The following WDR70 variants were observed in gnomAD, a reference collection of about 807,000 sequenced individuals.
WDR70 encodes WD repeat-containing protein 70.
In WDR70, 53 loss-of-function variants were observed where a neutral mutation model predicts 88.6. That is an observed-to-expected ratio of 0.60 (90% CI 0.48 to 0.75). The LOEUF is 0.75. Among genes scored for constraint, WDR70 ranks in the 30% least tolerant of loss-of-function variants. WDR70 has a pLI of 0.00. For synonymous variants in WDR70, 280 were observed against 270.0 expected, an observed-to-expected ratio of 1.04 and a Z score of -0.36; for missense variants, 610 against 823.2, an observed-to-expected ratio of 0.74 and a Z score of 3.17.
chr5:37,515,401 T>A (rs1740856419), intron 8 of WDR70, among the ~76,000 whole-genome samples: 1 of 152,210 alleles, frequency 6.6e-6, no homozygotes, highest in Non-Finnish European at 1.5e-5. Context: ...AAATGTCAAG[T>A]AGATAGTTGG....
intron 9 of WDR70, among the ~76,000 whole-genome samples, chr5:37,554,281 G>A (rs79924614): frequency 6.6e-6 from 1 of 152,156 alleles, no homozygotes; most frequent in Non-Finnish European, 1.5e-5. Context: ...ATGTAATCTT[G>A]GTCATAGGCC....
At chr5:37,589,253 C>CACAT (rs1345159870) in intron 9 of WDR70, among the ~76,000 whole-genome samples, 2 of 88,630 alleles carry the variant, frequency 2.3e-5, no homozygotes, top group African/African-American at 1.5e-4. Flanking sequence ...CACACATACA[C>CACAT]ACACACACAC....
chr5:37,479,620 C>T (rs1739596642), intron 7 of WDR70: 3 of 439,712 alleles, frequency 6.8e-6, no homozygotes, highest in Admixed American at 3.6e-5. Flanking sequence ...ATCCATCTGC[C>T]TTGGCCTCCC....
chr5:37,723,001 G>A (rs1747868017), intron 15 of WDR70, 67 bp downstream of exon 15: 1 of 1,575,718 alleles, frequency 6.3e-7, no homozygotes, highest in African/African-American at 1.3e-5. Flanking sequence ...TGATTGCATA[G>A]CTTTAGAGAC....
chr5:37,705,165 G>T (rs1747285931), intron 13 of WDR70, among the ~76,000 whole-genome samples: 1 of 152,088 alleles, frequency 6.6e-6, no homozygotes, highest in South Asian at 2.1e-4. Flanking sequence ...TATGCAGATG[G>T]TTTAATAAGT....
chr5:37,414,153 A>G (rs1749618745), intron 5 of WDR70, among the ~76,000 whole-genome samples: 1 of 151,518 alleles, frequency 6.6e-6, no homozygotes, highest in Non-Finnish European at 1.5e-5. Flanking sequence ...TCAAAAAAAA[A>G]AAAAAAAAAA....
chr5:37,730,893 G>C (rs1301469021), intron 17 of WDR70, among the ~76,000 whole-genome samples: 1 of 152,036 alleles, frequency 6.6e-6, no homozygotes, highest in African/African-American at 2.4e-5. Context: ...CATCATCTTA[G>C]CATGCATTCC....
intron 10 of WDR70, among the ~76,000 whole-genome samples, chr5:37,678,630 G>A (rs1361029217): frequency 6.6e-6 from 1 of 151,854 alleles, no homozygotes; most frequent in Non-Finnish European, 1.5e-5. Flanking sequence ...TCCCTTTGTG[G>A]GTAACCCAAC....
At chr5:37,725,851 T>C (rs1233837494) in intron 16 of WDR70, among the ~76,000 whole-genome samples, 1 of 152,138 alleles carries the variant, frequency 6.6e-6, no homozygotes, top group Non-Finnish European at 1.5e-5. Context: ...TTCATGTTGC[T>C]ACAGCCTCCA....
intron 9 of WDR70, among the ~76,000 whole-genome samples, chr5:37,593,535 A>C (rs1743604244): frequency 6.6e-6 from 1 of 152,134 alleles, no homozygotes; most frequent in Admixed American, 6.5e-5. Context: ...ACATTTTCTT[A>C]ATCCAGTCTA....
intron 17 of WDR70, among the ~76,000 whole-genome samples, chr5:37,750,396 C>A (rs556518686): frequency 6.6e-6 from 1 of 152,240 alleles, no homozygotes; most frequent in South Asian, 2.1e-4. Flanking sequence ...ATTAATCAGA[C>A]ATGGTGGTGC....
At chr5:37,416,655 C>T (rs1162292390) in intron 5 of WDR70, among the ~76,000 whole-genome samples, 3 of 151,296 alleles carry the variant, frequency 2.0e-5, no homozygotes, top group African/African-American at 7.3e-5. Context: ...TATCGGCTCA[C>T]TGCAAGCCCC....
intron 10 of WDR70, among the ~76,000 whole-genome samples, chr5:37,624,571 T>C (rs567700117): frequency 6.6e-6 from 1 of 152,268 alleles, no homozygotes; most frequent in South Asian, 2.1e-4. Context: ...AGGGAGAGCT[T>C]TCCCTTGGTC....
intron 13 of WDR70, among the ~76,000 whole-genome samples, chr5:37,703,730 A>G (rs1476915972): frequency 6.6e-6 from 1 of 152,246 alleles, no homozygotes; most frequent in Non-Finnish European, 1.5e-5. Flanking sequence ...GTAATACAAT[A>G]AGAATGAAAA....
intron 10 of WDR70, among the ~76,000 whole-genome samples, chr5:37,674,296 A>G (rs544070207): frequency 3.3e-5 from 5 of 151,998 alleles, no homozygotes; most frequent in African/African-American, 9.7e-5. Context: ...GGTTAGTTAC[A>G]TATGTATACA....
At chr5:37,640,247 C>G (rs972847511) in intron 10 of WDR70, among the ~76,000 whole-genome samples, 1 of 152,110 alleles carries the variant, frequency 6.6e-6, no homozygotes, top group Non-Finnish European at 1.5e-5. Context: ...TTTAAAAATT[C>G]CTCAAATACC....
intron 9 of WDR70, among the ~76,000 whole-genome samples, chr5:37,559,355 C>T (rs1452754482): frequency 6.6e-6 from 1 of 152,142 alleles, no homozygotes; most frequent in Non-Finnish European, 1.5e-5. Context: ...TCTACTCTTC[C>T]ACTCTCTCTC....
chr5:37,633,309 C>T (rs1384876178), intron 10 of WDR70, among the ~76,000 whole-genome samples: 2 of 151,802 alleles, frequency 1.3e-5, no homozygotes, highest in African/African-American at 2.4e-5. Flanking sequence ...TATCTGTTTC[C>T]CTTAAGGAAA....
intron 7 of WDR70, among the ~76,000 whole-genome samples, chr5:37,454,852 C>G (rs1369468623): frequency 1.3e-5 from 2 of 152,178 alleles, no homozygotes; most frequent in African/African-American, 2.4e-5. Context: ...TCATAAAGAT[C>G]TGAATTTGAA....
Sources: allele counts gnomAD v4.1 joint callset (sites outside exome capture counted in the v4.1 genomes callset), GRCh38; gene constraint gnomAD v4.1.1; transcripts MANE v1.5; gene names NCBI Gene and HGNC (gene_info 2026-07-23, HGNC 2026-07-21).